Variants in USP8 observed in about 807,000 individuals in gnomAD.
The protein encoded by USP8 is ubiquitin carboxyl-terminal hydrolase 8.
Under a neutral mutation model 130.0 loss-of-function variants are expected in USP8, and 27 were observed. That is an observed-to-expected ratio of 0.21 (90% CI 0.15 to 0.29). The LOEUF (loss-of-function observed/expected upper bound fraction) is 0.29, where lower values mean the gene tolerates loss of function less well. Among genes scored for constraint, USP8 ranks in the 10% least tolerant of loss-of-function variants. USP8 has a pLI of 1.00. For synonymous variants in USP8, 392 were observed against 444.1 expected, an observed-to-expected ratio of 0.88 and a Z score of 1.48; for missense variants, 1,029 against 1,312.2, an observed-to-expected ratio of 0.78 and a Z score of 3.33.
chr15:50,435,319 G>GT (rs35079563), intron 1 of USP8, among the ~76,000 whole-genome samples: 1 of 152,140 alleles, frequency 6.6e-6, no homozygotes, highest in Non-Finnish European at 1.5e-5. Flanking sequence ...CATGTACAGA[G>GT]TTTTTTCTTG....
chr15:50,492,228 A>G (rs2052202494), intron 14 of USP8, among the ~76,000 whole-genome samples: 1 of 152,150 alleles, frequency 6.6e-6, no homozygotes, highest in Non-Finnish European at 1.5e-5. Flanking sequence ...AATTTAAGTA[A>G]TAGTACCCAA....
chr15:50,458,237 C>G (rs1011045629), intron 4 of USP8, among the ~76,000 whole-genome samples: 1 of 152,114 alleles, frequency 6.6e-6, no homozygotes, highest in African/African-American at 2.4e-5. Context: ...CTGCATCCTC[C>G]GCCTTCCCAG....
chr15:50,508,126 C>T lies in USP8; in HGVS notation c.*9038C>T, dbSNP rs1202668098. 9.3e-6 allele frequency: 1 copy of T among 107,210 alleles called. No homozygotes were observed. Among genetic ancestry groups the T allele is most frequent in the African/African-American group, 3.5e-5 (1 of 28,414 alleles). 6.6% of individuals were successfully genotyped at this position (107,210 alleles called of 1,614,324 possible). A position where few individuals can be genotyped will look rare whatever the true frequency, so the allele number is the denominator to read the frequency against. ...TTTAATTTAGACCCTAGTCTTTGAA[C>T]ACAATACAATTAGCAGTCAATACAA... On this transcript the variant is annotated 3_prime_UTR_variant, in exon 20 of 20. Transcript: ENST00000307179.
At chr15:50,449,625 A>G (rs951488471) in intron 4 of USP8, 140 bp downstream of exon 4, 5 of 470,898 alleles carry the variant, frequency 1.1e-5, no homozygotes, top group Non-Finnish European at 1.7e-5. Flanking sequence ...TCTGTCGCCC[A>G]TGCTGGAGTG....
intron 10 of USP8, 148 bp from the exon 11 acceptor site, chr15:50,481,333 A>G (rs2051760417): frequency 1.9e-6 from 1 of 534,022 alleles, no homozygotes; most frequent in Admixed American, 3.9e-5. Context: ...TTTATGAGAA[A>G]TCTTGACACT....
chr15:50,477,542 A>G, intron 10 of USP8, 43 bp downstream of exon 10: 6 of 1,544,644 alleles, frequency 3.9e-6, no homozygotes, highest in Non-Finnish European at 5.3e-6. Context: ...TTGTTTTAAT[A>G]TTAAATATAT....
intron 1 of USP8, among the ~76,000 whole-genome samples, chr15:50,435,555 C>T (rs2050068368): frequency 6.6e-6 from 1 of 152,184 alleles, no homozygotes; most frequent in African/African-American, 2.4e-5. Context: ...TTTGCTTTCT[C>T]ACTTGATGAG....
At chr15:50,449,279 C>A in intron 3 of USP8, 121 bp from the exon 4 acceptor site, 1 of 499,420 alleles carries the variant, frequency 2.0e-6, no homozygotes, top group Non-Finnish European at 3.4e-6. Context: ...TTTTAAAAAT[C>A]TTCCATTGTA....
At chr15:50,474,496 C>T (rs544274245) in intron 8 of USP8, among the ~76,000 whole-genome samples, 8 of 152,234 alleles carry the variant, frequency 5.3e-5, no homozygotes, top group African/African-American at 1.7e-4. Context: ...ATGAAACTGC[C>T]AGTATTCAAC....
chr15:50,497,109 C>T lies in USP8; in HGVS notation c.2916C>T (p.Ser972=). The change falls in exon 18 of 20, where the codon TCC becomes TCT. Residue 972 remains serine (S), a synonymous_variant. Coordinates refer to ENST00000307179, the MANE Select transcript of USP8 (RefSeq NM_005154.5). The part of the protein sequence containing the change: ...CTLQDCLRLF[S]KEEKLTDNNR... ...GCCAGGATTGCCTTAGATTATTTTC[C>T]AAAGAAGAAAAACTCACAGATAACA... The T allele has an allele frequency of 6.2e-7, 1 of 1,601,448 alleles. No individual in the cohort carries two copies. Among genetic ancestry groups the T allele is most frequent in the Admixed American group, 1.7e-5 (1 of 57,298 alleles).
At position 50,508,280 on chromosome 15, in the gene USP8, G is replaced by A. The variant is rs1365459111; in HGVS notation, c.*9192G>A. 4 of 151,878 alleles carry A rather than the reference G, an allele frequency of 2.6e-5. No individual in the cohort carries two copies. The highest frequency in any genetic ancestry group is 9.7e-5 in the African/African-American group (4 of 41,350). The allele number at this position is 151,878 out of a possible 1,614,324, so 9.4% of individuals were successfully genotyped here. ...AATGAAAATACTATATCAAAACATG[G>A]GATGCACTGATGTCTGAGAATGTCT... On this transcript the variant is annotated 3_prime_UTR_variant, in exon 20 of 20. Transcript: ENST00000307179.
chr15:50,490,333 C>T lies in USP8; in HGVS notation c.2042C>T (p.Pro681Leu), dbSNP rs1450861492. 1.9e-6 allele frequency: 3 copies of T among 1,613,674 alleles called. No individual in the cohort carries two copies. The highest frequency in any genetic ancestry group is 1.1e-5 in the South Asian group (1 of 91,082). The change falls in exon 14 of 20, where the codon CCG (proline) becomes CTG (leucine). Residue 681 changes from proline to leucine, a missense_variant. Pro to Leu is a moderately conservative substitution (Grantham distance 98). Coordinates refer to ENST00000307179, the MANE Select transcript of USP8 (RefSeq NM_005154.5). ...SPTNTVHMYP[P>L]EMAPSSAPPS... is the part of the protein sequence containing the mutation. ...ACCAACACTGTTCATATGTACCCACCGGAAATGGCTCCTTCATCTGCACCT... is the reference window on the plus strand; with the variant it reads ...ACCAACACTGTTCATATGTACCCACTGGAAATGGCTCCTTCATCTGCACCT...
In USP8 at chr15:50,506,041, G is replaced by C. The variant is rs1823692986; in HGVS notation, c.*6953G>C. Reference sequence around the variant, plus strand: ...AGCTTTCCATTTCTTTGGGAGCAGAGTATAAAGATCTTGATTAACTTTAGG... The same window carrying C: ...AGCTTTCCATTTCTTTGGGAGCAGACTATAAAGATCTTGATTAACTTTAGG... On this transcript the variant is annotated 3_prime_UTR_variant, in exon 20 of 20. Coordinates refer to ENST00000307179, the MANE Select transcript of USP8 (RefSeq NM_005154.5). 1 of 152,182 alleles carries C rather than the reference G, an allele frequency of 6.6e-6. No individual in the cohort carries two copies. The highest frequency in any genetic ancestry group is 6.5e-5 in the Admixed American group (1 of 15,276). The allele number at this position is 152,182 out of a possible 1,614,324, so 9.4% of individuals were successfully genotyped here. A position where few individuals can be genotyped will look rare whatever the true frequency, so the allele number is the denominator to read the frequency against.
chr15:50,440,238 T>C (rs1364915193), intron 2 of USP8, among the ~76,000 whole-genome samples: 9 of 152,226 alleles, frequency 5.9e-5, no homozygotes, highest in African/African-American at 2.2e-4. Flanking sequence ...AAAGCCACCT[T>C]TAGATAAGAC....
At chr15:50,430,921 C>G (rs1049552202) in intron 1 of USP8, among the ~76,000 whole-genome samples, 7 of 152,122 alleles carry the variant, frequency 4.6e-5, no homozygotes, top group Admixed American at 2.0e-4. Flanking sequence ...TTGGTTGTTA[C>G]AACTGGAAGG....
In USP8 at chr15:50,498,711, A is replaced by G; in HGVS notation, c.3154A>G (p.Asn1052Asp). 2 of 1,608,106 alleles carry G rather than the reference A, an allele frequency of 1.2e-6. No individual in the cohort carries two copies. Among genetic ancestry groups the G allele is most frequent in the Non-Finnish European group, 1.7e-6 (2 of 1,177,292 alleles). ...IGPKNNLKKY[N>D]LFSVSNHYGG... ...TCCAAAGAACAATTTGAAGAAATATAATTTGTTTTCTGTTTCAGTAAGTAT... is the reference window on the plus strand; with the variant it reads ...TCCAAAGAACAATTTGAAGAAATATGATTTGTTTTCTGTTTCAGTAAGTAT... Residue 1052 changes from asparagine to aspartate, a missense_variant, in exon 19 of 20, where the codon AAT becomes GAT. Asn to Asp is a conservative substitution (Grantham distance 23, BLOSUM62 1). Transcript: ENST00000307179.
Position 50,447,594 on chromosome 15 carries a change from C to G in USP8, c.250-1806C>G, listed in dbSNP as rs117427863. Among the ~76,000 whole-genome samples, 1,156 of 150,772 alleles carry G rather than the reference C, an allele frequency of 7.7e-3. 2 individuals are homozygous for G. Among genetic ancestry groups the G allele is most frequent in the Middle Eastern group, 0.014 (4 of 292 alleles). On this transcript the variant is annotated intron_variant, in intron 3 of 19. Coordinates refer to ENST00000307179, the MANE Select transcript of USP8 (RefSeq NM_005154.5). ...TTTTCCCCTCCGAGACAGAGTTTGA[C>G]TCTTGTTGCCCGGGGTAGAGTACAA... is the stretch of plus-strand genomic sequence containing the variant.
Position 50,490,515 on chromosome 15 carries a change from C to T in USP8, c.2224C>T (p.Arg742Trp), listed in dbSNP as rs775133859. The stretch of plus-strand genomic sequence containing the variant: ...GCCAACAGTAACTCCAACAGTTAAT[C>T]GGGAAAACAAGTATGTTTATCTTAA... ...RKPTVTPTVN[R>W]ENKPTCYPKA... The change falls in exon 14 of 20, where the codon CGG becomes TGG. Residue 742 changes from arginine to tryptophan, a missense_variant. Around this residue, in one of 4 missense-constraint regions of USP8, gnomAD observed 486 missense variants for 522.0 expected, o/e 0.93. Coordinates refer to ENST00000307179, the MANE Select transcript of USP8 (RefSeq NM_005154.5). 33 of 1,613,074 alleles carry T rather than the reference C, an allele frequency of 2.0e-5. No individual in the cohort carries two copies. The highest frequency in any genetic ancestry group is 2.6e-5 in the Non-Finnish European group (31 of 1,179,816).
chr15:50,508,105 A>G lies in USP8; in HGVS notation c.*9017A>G, dbSNP rs1268178551. The G allele has an allele frequency of 6.7e-6, 1 of 149,756 alleles. No homozygotes were observed. The highest frequency in any genetic ancestry group is 1.9e-4 in the East Asian group (1 of 5,144). The allele number at this position is 149,756 out of a possible 1,614,324, so 9.3% of individuals were successfully genotyped here. Reference sequence around the variant, plus strand: ...AAAAAAAAAAAAAAAGATTAGTTTAATTTAGACCCTAGTCTTTGAACACAA... The same window carrying G: ...AAAAAAAAAAAAAAAGATTAGTTTAGTTTAGACCCTAGTCTTTGAACACAA... On this transcript the variant is annotated 3_prime_UTR_variant, in exon 20 of 20. Transcript: ENST00000307179.
Sources: allele counts gnomAD v4.1 joint callset (sites outside exome capture counted in the v4.1 genomes callset), GRCh38; gene constraint gnomAD v4.1.1; regional missense constraint gnomAD v4.1.1; transcripts MANE v1.5; gene names NCBI Gene and HGNC (gene_info 2026-07-23, HGNC 2026-07-21).